Variants in ANTXRL observed in about 807,000 individuals in gnomAD.
ANTXRL encodes anthrax toxin receptor-like.
Under a neutral mutation model 75.4 loss-of-function variants are expected in ANTXRL, and 63 were observed. That is an observed-to-expected ratio of 0.84 (90% CI 0.68 to 1.03). The LOEUF is 1.03. ANTXRL is among the 50% of genes least tolerant of loss of function. The pLI, the probability that ANTXRL is intolerant of heterozygous loss-of-function variation, is 0.00. For missense variants in ANTXRL, 797 were observed against 789.4 expected, an observed-to-expected ratio of 1.01 and a Z score of -0.12; for synonymous variants, 335 against 291.3, an observed-to-expected ratio of 1.15 and a Z score of -1.53.
chr10:46,313,569 A>G (rs566294666), intron 16 of ANTXRL, among the ~76,000 whole-genome samples: 1 of 152,132 alleles, frequency 6.6e-6, no homozygotes, highest in Non-Finnish European at 1.5e-5. Context: ...GGCAACAGTG[A>G]CTGGTTCTAA....
At chr10:46,290,721 G>A (rs1443359852) in intron 1 of ANTXRL, among the ~76,000 whole-genome samples, 1 of 152,128 alleles carries the variant, frequency 6.6e-6, no homozygotes, top group Non-Finnish European at 1.5e-5. Context: ...TTGGCCATTT[G>A]CATATCTTCT....
chr10:46,302,131 G>A (rs1588823332), intron 9 of ANTXRL, among the ~76,000 whole-genome samples: 2 of 152,198 alleles, frequency 1.3e-5, no homozygotes, highest in African/African-American at 4.8e-5. Context: ...TTCTGTGATG[G>A]ATTCCCTTGA....
rs141129393 is a variant in ANTXRL at position 46,290,466 on chromosome 10, G to A, written c.249-1592G>A. Among the ~76,000 whole-genome samples, 822 of 152,236 alleles carry A rather than the reference G, an allele frequency of 5.4e-3. 6 individuals carry two copies. Among genetic ancestry groups the A allele is most frequent in the Non-Finnish European group, 8.5e-3 (578 of 68,020 alleles). ...GAGTCCCTACTCTCACTTCTTTTTGGTATATGCCAGGGAGTGCAATTGATG... is the reference window on the plus strand; with the variant it reads ...GAGTCCCTACTCTCACTTCTTTTTGATATATGCCAGGGAGTGCAATTGATG... On this transcript the variant is annotated intron_variant, in intron 1 of 16. Transcript: ENST00000620264.
intron 10 of ANTXRL, among the ~76,000 whole-genome samples, chr10:46,305,466 A>G (rs1336352799): frequency 8.5e-5 from 13 of 152,216 alleles, no homozygotes; most frequent in African/African-American, 2.9e-4. Flanking sequence ...GAAAATGAGG[A>G]GGATGCCATA....
intron 2 of ANTXRL, 94 bp downstream of exon 2, chr10:46,292,223 G>T: frequency 1.6e-6 from 2 of 1,223,340 alleles, no homozygotes; most frequent in African/African-American, 1.5e-5. Context: ...TGGGGTGGGC[G>T]TGGGAGTCCT....
intron 16 of ANTXRL, among the ~76,000 whole-genome samples, chr10:46,324,696 G>C (rs868963421): frequency 1.3e-5 from 2 of 152,118 alleles, no homozygotes; most frequent in Non-Finnish European, 2.9e-5. Context: ...ATTTGAGGAA[G>C]AGACCCATAA....
intron 14 of ANTXRL, 40 bp from the exon 15 acceptor site, chr10:46,311,470 T>C (rs1403886481): frequency 6.7e-7 from 1 of 1,501,704 alleles, no homozygotes; most frequent in African/African-American, 1.4e-5. Context: ...CACTGTGCCC[T>C]GCCAGCACTG....
chr10:46,300,974 C>G (rs1311984666), intron 9 of ANTXRL, among the ~76,000 whole-genome samples: 3 of 150,462 alleles, frequency 2.0e-5, no homozygotes, highest in Non-Finnish European at 4.4e-5. Context: ...GGCCATGTTC[C>G]TTTATCTCTC....
At chr10:46,293,357 T>C (rs1405723561) in intron 2 of ANTXRL, among the ~76,000 whole-genome samples, 4 of 149,062 alleles carry the variant, frequency 2.7e-5, no homozygotes, top group Admixed American at 2.7e-4. Flanking sequence ...TGCATGTGTG[T>C]GCATGTGAGT....
In ANTXRL at chr10:46,309,093, G is replaced by A; in HGVS notation, c.1045-20G>A. ...AAGAGGCCACCGAGGCCCTCCTATG[G>A]TGCTCTCTTTCTCCACCAGGGCATT... On this transcript the variant is annotated intron_variant, in intron 12 of 16. Coordinates refer to ENST00000620264, the MANE Select transcript of ANTXRL (RefSeq NM_001278688.3). 6.5e-7 allele frequency: 1 copy of A among 1,535,044 alleles called. No individual in the cohort carries two copies.
At chr10:46,311,447 T>A in intron 14 of ANTXRL, 63 bp from the exon 15 acceptor site, 1 of 1,448,310 alleles carries the variant, frequency 6.9e-7, no homozygotes, top group Admixed American at 2.5e-5. Flanking sequence ...GACACACATC[T>A]GGGAGTGGCC....
intron 10 of ANTXRL, among the ~76,000 whole-genome samples, chr10:46,306,340 C>T (rs1420677445): frequency 6.6e-6 from 1 of 152,186 alleles, no homozygotes; most frequent in Non-Finnish European, 1.5e-5. Flanking sequence ...TTCCTTGGAA[C>T]CCTTACCACA....
intron 1 of ANTXRL, 81 bp from the exon 2 acceptor site, chr10:46,291,977 T>A: frequency 7.5e-7 from 1 of 1,338,230 alleles, no homozygotes; most frequent in South Asian, 1.3e-5. Context: ...AAGAGCCTGC[T>A]GGGAGGCTGG....
chr10:46,329,534 C>G, intron 16 of ANTXRL, 65 bp from the exon 17 acceptor site: 4 of 1,498,338 alleles, frequency 2.7e-6, no homozygotes, highest in African/African-American at 1.4e-5. Context: ...GCCAGGCAAC[C>G]GCAGCCTTCT....
rs187712729 is a variant in ANTXRL, at chr10:46,313,334, G to A, written c.1410+18G>A. The stretch of plus-strand genomic sequence containing the variant: ...GGGACCAGGTGAGCTAGGGCACAGG[G>A]ACACAGTTGATGGACAAAAGGCCAC... On this transcript the variant is annotated intron_variant, in intron 16 of 16. Transcript: ENST00000620264. 3.3e-4 allele frequency: 503 copies of A among 1,534,934 alleles called. 5 individuals are homozygous for A. In the African/African-American group the frequency reaches 5.8e-3, roughly 18 times the overall value.
intron 2 of ANTXRL, among the ~76,000 whole-genome samples, chr10:46,292,468 G>T (rs1837034280): frequency 6.6e-6 from 1 of 152,154 alleles, no homozygotes. Flanking sequence ...AGGGGGCAAA[G>T]AACTCCGTGG....
intron 10 of ANTXRL, 87 bp downstream of exon 10, chr10:46,302,907 G>T: frequency 1.8e-6 from 2 of 1,084,150 alleles, no homozygotes; most frequent in Non-Finnish European, 2.7e-6. Flanking sequence ...CCCAGCCCTT[G>T]CCAACCATTC....
intron 3 of ANTXRL, among the ~76,000 whole-genome samples, chr10:46,295,064 G>A (rs1169725914): frequency 1.2e-4 from 18 of 152,292 alleles, no homozygotes; most frequent in South Asian, 2.1e-4. Context: ...CTCATGCCCC[G>A]GCCAGTCCGC....
At chr10:46,290,400 GA>G in intron 1 of ANTXRL, among the ~76,000 whole-genome samples, 1 of 152,112 alleles carries the variant, frequency 6.6e-6, no homozygotes, top group East Asian at 1.9e-4. Context: ...TGGCAATTGT[GA>G]ATAATGCTGC....
Sources: gnomAD v4.1 joint callset for allele counts (sites outside exome capture counted in the v4.1 genomes callset) on GRCh38, gnomAD v4.1.1 for gene constraint, MANE v1.5 for transcripts, NCBI Gene and HGNC (gene_info 2026-07-23, HGNC 2026-07-21) for gene names.